The following CNTN1 variants were observed in gnomAD, a reference collection of about 807,000 sequenced individuals.
CNTN1 encodes contactin-1.
CNTN1 carries 38 observed loss-of-function variants against 126.4 expected under a neutral mutation model. That is an observed-to-expected ratio of 0.30 (90% CI 0.23 to 0.39). CNTN1 has a LOEUF of 0.39. Among genes scored for constraint, CNTN1 ranks in the 10% least tolerant of loss-of-function variants. The pLI is 1.00. For missense variants in CNTN1, 1,009 were observed against 1,248.4 expected (o/e 0.81, Z 2.89); for synonymous variants, 413 against 422.6 (o/e 0.98, Z 0.28).
intron 22 of CNTN1, among the ~76,000 whole-genome samples, chr12:41,028,274 C>T (rs956497339): frequency 4.6e-5 from 7 of 152,148 alleles, no homozygotes; most frequent in African/African-American, 1.7e-4. Context: ...CCAAATTATC[C>T]ACCTACCTCA....
rs12322150 is a variant in CNTN1, at chr12:40,853,014, T to C, written c.-76-55343T>C. On this transcript the variant is annotated intron_variant, in intron 1 of 23. Coordinates refer to ENST00000551295, the MANE Select transcript of CNTN1 (RefSeq NM_001843.4). ...TTGGAATGTATTTTCTCCATTGCGT[T>C]AACATAAACATTATCCTGTCTTCAA... Among the ~76,000 whole-genome samples, 1,024 of 152,260 alleles carry C rather than the reference T, an allele frequency of 6.7e-3. 10 individuals are homozygous for C. Among genetic ancestry groups the C allele is most frequent in the African/African-American group, 0.022 (901 of 41,556 alleles).
chr12:41,009,111 AGTT>A (rs1948582305), intron 17 of CNTN1, among the ~76,000 whole-genome samples: 1 of 152,112 alleles, frequency 6.6e-6, no homozygotes, highest in South Asian at 2.1e-4. Context: ...TTTCTAGGGG[AGTT>A]TCCCTGAGAT....
chr12:41,047,617 C>G (rs998596272), intron 23 of CNTN1, among the ~76,000 whole-genome samples: 1 of 152,038 alleles, frequency 6.6e-6, no homozygotes, highest in Non-Finnish European at 1.5e-5. Flanking sequence ...CTACTAGCCT[C>G]TAGGGCCACT....
Position 40,933,720 on chromosome 12 carries a change from G to T in CNTN1, c.827G>T (p.Arg276Leu). The change falls in exon 9 of 24, where the codon CGG becomes CTG. Residue 276 changes from arginine to leucine, a missense_variant. Physicochemically the swap from Arg to Leu is moderately radical, Grantham distance 102. Coordinates refer to ENST00000551295, the MANE Select transcript of CNTN1 (RefSeq NM_001843.4). ...LGNPVPDIRW[R>L]KVLEPMPSTA... ...AGTCCTGTTCCGGATATCCGATGGC[G>T]GAAGGTTCTAGAACCAATGCCAAGC... 6.2e-7 allele frequency: 1 copy of T among 1,612,622 alleles called. No homozygotes were observed. Among genetic ancestry groups the T allele is most frequent in the Non-Finnish European group, 8.5e-7 (1 of 1,179,046 alleles).
At chr12:41,033,629 G>A (rs1437034417) in intron 23 of CNTN1, among the ~76,000 whole-genome samples, 1 of 152,148 alleles carries the variant, frequency 6.6e-6, no homozygotes. Context: ...GGAGTAACAT[G>A]ATCAGATTTT....
intron 1 of CNTN1, among the ~76,000 whole-genome samples, chr12:40,707,221 C>CTTTTTTTT (rs1565626426): frequency 8.4e-6 from 1 of 119,450 alleles, no homozygotes; most frequent in African/African-American, 3.7e-5. Context: ...CATTTCTTTT[C>CTTTTTTTT]TTTTTCTTTT....
At chr12:40,842,590 T>C (rs764409401) in intron 1 of CNTN1, among the ~76,000 whole-genome samples, 1 of 152,108 alleles carries the variant, frequency 6.6e-6, no homozygotes, top group African/African-American at 2.4e-5. Context: ...GGAGATGCTT[T>C]AGACACTTTT....
chr12:40,905,164 T>C lies in CNTN1; in HGVS notation c.-76-3193T>C, dbSNP rs183601498. ...ATGTTCCCATATACTGTGGTCATTA[T>C]TGAGAAGGAACTGTTAAATTACATT... On this transcript the variant is annotated intron_variant, in intron 1 of 23. Coordinates refer to ENST00000551295, the MANE Select transcript of CNTN1 (RefSeq NM_001843.4). Among the ~76,000 whole-genome samples the C allele has an allele frequency of 1.2e-4, 18 of 152,360 alleles. 1 individual carries two copies. Among genetic ancestry groups the C allele is most frequent in the African/African-American group, 4.3e-4 (18 of 41,590 alleles).
chr12:40,880,135 A>T (rs1272434275), intron 1 of CNTN1, among the ~76,000 whole-genome samples: 2 of 152,080 alleles, frequency 1.3e-5, no homozygotes, highest in Non-Finnish European at 2.9e-5. Flanking sequence ...TTATATAATA[A>T]AAAGTAAAAA....
At chr12:41,007,442 T>C (rs1049250231) in intron 17 of CNTN1, among the ~76,000 whole-genome samples, 2 of 152,182 alleles carry the variant, frequency 1.3e-5, no homozygotes, top group African/African-American at 4.8e-5. Context: ...GTATATACCC[T>C]GGGGTTTGTC....
intron 23 of CNTN1, among the ~76,000 whole-genome samples, chr12:41,058,699 G>T (rs1032111618): frequency 2.0e-5 from 3 of 152,010 alleles, no homozygotes; most frequent in Admixed American, 1.3e-4. Flanking sequence ...AAGGAAGTCT[G>T]AAAAATATAT....
At chr12:41,045,526 C>T (rs1949522533) in intron 23 of CNTN1, among the ~76,000 whole-genome samples, 1 of 152,052 alleles carries the variant, frequency 6.6e-6, no homozygotes, top group African/African-American at 2.4e-5. Context: ...TACTGGAAGC[C>T]TTTAATGCCA....
At chr12:40,919,617 C>A (rs997584141) in intron 4 of CNTN1, among the ~76,000 whole-genome samples, 1 of 152,100 alleles carries the variant, frequency 6.6e-6, no homozygotes, top group Non-Finnish European at 1.5e-5. Flanking sequence ...ACAAAAGTAA[C>A]TTTCTATTAT....
At chr12:40,951,979 A>G (rs1227551952) in intron 14 of CNTN1, among the ~76,000 whole-genome samples, 1 of 152,130 alleles carries the variant, frequency 6.6e-6, no homozygotes, top group Non-Finnish European at 1.5e-5. Context: ...AATATGGCAA[A>G]AAGTTTACAA....
At chr12:40,756,767 G>C (rs1048803834) in intron 1 of CNTN1, among the ~76,000 whole-genome samples, 1 of 152,134 alleles carries the variant, frequency 6.6e-6, no homozygotes, top group African/African-American at 2.4e-5. Context: ...AGTCCCTCAA[G>C]TCATTCTCTG....
chr12:40,938,102 G>A (rs1409414137), intron 11 of CNTN1, among the ~76,000 whole-genome samples: 1 of 152,164 alleles, frequency 6.6e-6, no homozygotes, highest in Non-Finnish European at 1.5e-5. Flanking sequence ...CCTCCAGAAA[G>A]TACATAGTTA....
At chr12:40,707,046 GCACACACACACACACACACA>G (rs59993134) in intron 1 of CNTN1, among the ~76,000 whole-genome samples, 38 of 149,316 alleles carry the variant, frequency 2.5e-4, no homozygotes, top group Admixed American at 1.0e-3. Context: ...GCGCGCTTGC[GCACACACACACACACACACA>G]CACACACACA....
At chr12:40,969,831 G>GA (rs35499959) in intron 15 of CNTN1, among the ~76,000 whole-genome samples, 5 of 151,950 alleles carry the variant, frequency 3.3e-5, no homozygotes, top group African/African-American at 7.2e-5. Flanking sequence ...TATCCTTTGG[G>GA]AAAAAAATGC....
At chr12:40,925,606 CGTGTATAT>C (rs1945635787) in intron 6 of CNTN1, among the ~76,000 whole-genome samples, 1 of 132,224 alleles carries the variant, frequency 7.6e-6, no homozygotes, top group African/African-American at 2.8e-5. Context: ...TATATATATA[CGTGTATAT>C]ATATATATAC....
Sources: allele counts gnomAD v4.1 joint callset (sites outside exome capture counted in the v4.1 genomes callset), GRCh38; gene constraint gnomAD v4.1.1; transcripts MANE v1.5; gene names NCBI Gene and HGNC (gene_info 2026-07-23, HGNC 2026-07-21).